The following ADAD1 variants were observed in gnomAD, a reference collection of about 807,000 sequenced individuals.
ADAD1 encodes the protein adenosine deaminase domain containing 1.
Under a neutral mutation model 66.8 loss-of-function variants are expected in ADAD1, and 46 were observed. The observed-to-expected ratio is 0.69, with a 90% confidence interval of 0.54 to 0.88. The LOEUF is 0.88. Ranked by LOEUF, ADAD1 falls within the 40% of genes least tolerant of loss-of-function variation. The probability of loss-of-function intolerance (pLI) is 0.00; values close to 1 mark genes in which losing one functional copy is unlikely to be tolerated. For synonymous variants in ADAD1, 248 were observed against 229.4 expected (o/e 1.08, Z -0.73); for missense variants, 617 against 681.8 (o/e 0.91, Z 1.06).
At chr4:122,422,403 G>A (rs1439576310) in intron 12 of ADAD1, among the ~76,000 whole-genome samples, 2 of 152,072 alleles carry the variant, frequency 1.3e-5, no homozygotes, top group Admixed American at 6.6e-5. Flanking sequence ...GGGATTACAG[G>A]CTTGAGCCAC....
At chr4:122,409,780 A>G (rs777866628) in intron 8 of ADAD1, among the ~76,000 whole-genome samples, 2 of 151,552 alleles carry the variant, frequency 1.3e-5, no homozygotes, top group African/African-American at 4.9e-5. Flanking sequence ...ACTCACTGCA[A>G]CCTCCGCCTC....
At chr4:122,420,895 C>CT (rs1796973210) in intron 11 of ADAD1, among the ~76,000 whole-genome samples, 1 of 152,036 alleles carries the variant, frequency 6.6e-6, no homozygotes, top group Non-Finnish European at 1.5e-5. Flanking sequence ...ATTTGTATAC[C>CT]TATGTAACCA....
chr4:122,393,245 A>G lies in ADAD1; in HGVS notation c.530-344A>G, dbSNP rs1057444000. Among the ~76,000 whole-genome samples, 3 of 152,190 alleles carry G rather than the reference A, an allele frequency of 2.0e-5. No individual in the cohort carries two copies. The South Asian group carries it at 6.2e-4, about 31-fold the overall frequency. On this transcript the variant is annotated intron_variant, in intron 5 of 12. Coordinates refer to ENST00000296513, the MANE Select transcript of ADAD1 (RefSeq NM_139243.4). ...TATTTTACTCATTAATTTTTAATAG[A>G]ACATTAATTTAAAATGTTTTTCACA...
intron 7 of ADAD1, among the ~76,000 whole-genome samples, chr4:122,403,321 CAA>C (rs1796060218): frequency 6.6e-6 from 1 of 152,174 alleles, no homozygotes; most frequent in African/African-American, 2.4e-5. Flanking sequence ...AGAACGTCTG[CAA>C]AGAGTCCTGT....
At chr4:122,405,908 AT>A (rs918261968) in intron 7 of ADAD1, among the ~76,000 whole-genome samples, 1 of 152,052 alleles carries the variant, frequency 6.6e-6, no homozygotes, top group Non-Finnish European at 1.5e-5. Flanking sequence ...AAATGGCAGA[AT>A]TTTCTTCTTT....
Position 122,423,612 on chromosome 4 carries a change from GAA to G in ADAD1, c.1617+2228_1617+2229del, listed in dbSNP as rs544585891. ...AAAATAGCCAAAAAAATTTGAAAAA[GAA>G]AAAAAGTTGAAAAATACATAGTTCT... is the stretch of plus-strand genomic sequence containing the variant. On this transcript the variant is annotated intron_variant, in intron 12 of 12. Coordinates refer to ENST00000296513, the MANE Select transcript of ADAD1 (RefSeq NM_139243.4). Among the ~76,000 whole-genome samples, 40 of 152,024 alleles carry G rather than the reference GAA, an allele frequency of 2.6e-4. No individual in the cohort carries two copies. In the East Asian group the frequency reaches 7.7e-3, roughly 29 times the overall value.
At chr4:122,404,974 A>G (rs755691177) in intron 7 of ADAD1, among the ~76,000 whole-genome samples, 2 of 152,214 alleles carry the variant, frequency 1.3e-5, no homozygotes, top group Non-Finnish European at 2.9e-5. Context: ...ACAAACAAGT[A>G]TCTCCCTGAA....
chr4:122,420,222 TA>T (rs1796940331), intron 11 of ADAD1, among the ~76,000 whole-genome samples: 1 of 152,254 alleles, frequency 6.6e-6, no homozygotes, highest in Admixed American at 6.5e-5. Flanking sequence ...TATTGCTGTG[TA>T]TAAACTACCT....
At chr4:122,390,974 C>CT (rs1240209015) in intron 5 of ADAD1, among the ~76,000 whole-genome samples, 2 of 152,126 alleles carry the variant, frequency 1.3e-5, no homozygotes, top group Non-Finnish European at 2.9e-5. Context: ...TTCATTGATT[C>CT]TTTATCATCT....
At chr4:122,411,519 T>C in intron 9 of ADAD1, 127 bp downstream of exon 9, 1 of 964,670 alleles carries the variant, frequency 1.0e-6, no homozygotes, top group Non-Finnish European at 1.5e-6. Context: ...TGAGTTGTTA[T>C]TTGTGGCCTG....
At chr4:122,399,539 A>G (rs779876311) in intron 7 of ADAD1, among the ~76,000 whole-genome samples, 8 of 152,044 alleles carry the variant, frequency 5.3e-5, no homozygotes, top group African/African-American at 1.9e-4. Context: ...TGGTATTTCT[A>G]TGGGAATTGC....
At chr4:122,385,215 ATTAT>A (rs1011417514) in intron 5 of ADAD1, among the ~76,000 whole-genome samples, 1 of 152,098 alleles carries the variant, frequency 6.6e-6, no homozygotes, top group Non-Finnish European at 1.5e-5. Flanking sequence ...CTGTTTTAAA[ATTAT>A]TTTTCATGTA....
intron 10 of ADAD1, 39 bp downstream of exon 10, chr4:122,412,848 C>T: frequency 6.6e-7 from 1 of 1,524,626 alleles, no homozygotes; most frequent in South Asian, 1.2e-5. Flanking sequence ...CTCTCACTCA[C>T]TAAGCAAATT....
chr4:122,379,939 T>C (rs1794801281), intron 2 of ADAD1, 123 bp from the exon 3 acceptor site: 1 of 927,364 alleles, frequency 1.1e-6, no homozygotes, highest in South Asian at 1.8e-5. Context: ...GATTTGACTC[T>C]AGTCATCTGA....
intron 3 of ADAD1, 100 bp downstream of exon 3, chr4:122,380,341 A>G (rs1342432079): frequency 5.0e-6 from 7 of 1,399,268 alleles, no homozygotes; most frequent in East Asian, 4.6e-5. Flanking sequence ...TCGTGGTTGT[A>G]TAGACATTTA....
chr4:122,414,119 T>C (rs1013306014), intron 10 of ADAD1, among the ~76,000 whole-genome samples: 1 of 150,622 alleles, frequency 6.6e-6, no homozygotes, highest in South Asian at 2.1e-4. Context: ...AAAGTAAAAT[T>C]TATAATAAAA....
At chr4:122,422,515 A>G (rs56859134) in intron 12 of ADAD1, among the ~76,000 whole-genome samples, 3 of 152,216 alleles carry the variant, frequency 2.0e-5, no homozygotes, top group Admixed American at 2.0e-4. Flanking sequence ...GCATTATATG[A>G]AAGTCTTTTA....
At position 122,395,115 on chromosome 4, in the gene ADAD1, A is replaced by G. The variant is rs191672817; in HGVS notation, c.599-1137A>G. On this transcript the variant is annotated intron_variant, in intron 6 of 12. Coordinates refer to ENST00000296513, the MANE Select transcript of ADAD1 (RefSeq NM_139243.4). Reference sequence around the variant, plus strand: ...GCCCAGGCTGGAGTGCAGTGGCACAATCTCAGCTCACTGCAACCTCTGCCT... The same window carrying G: ...GCCCAGGCTGGAGTGCAGTGGCACAGTCTCAGCTCACTGCAACCTCTGCCT... Among the ~76,000 whole-genome samples the G allele has an allele frequency of 9.1e-4, 139 of 152,120 alleles. 1 individual carries two copies. Among genetic ancestry groups the G allele is most frequent in the African/African-American group, 3.1e-3 (128 of 41,544 alleles).
At chr4:122,407,317 G>A (rs1796260983) in intron 7 of ADAD1, among the ~76,000 whole-genome samples, 1 of 152,140 alleles carries the variant, frequency 6.6e-6, no homozygotes, top group Admixed American at 6.6e-5. Context: ...AAAAAAGACT[G>A]CCAATTTGAA....
Sources: gnomAD v4.1 joint callset for allele counts (sites outside exome capture counted in the v4.1 genomes callset) on GRCh38, gnomAD v4.1.1 for gene constraint, MANE v1.5 for transcripts, NCBI Gene and HGNC (gene_info 2026-07-23, HGNC 2026-07-21) for gene names.